MAN1A1: variants seen among roughly 807,000 people sequenced by gnomAD.
MAN1A1 encodes the protein mannosyl-oligosaccharide 1,2-alpha-mannosidase IA.
A neutral mutation model predicts 70.8 loss-of-function variants in MAN1A1; 29 were observed. The observed-to-expected ratio is 0.41, with a 90% CI of 0.31 to 0.56. MAN1A1 has a LOEUF of 0.56. Among genes scored for constraint, MAN1A1 ranks in the 20% least tolerant of loss-of-function variants. The pLI is 0.29. For synonymous variants in MAN1A1, 349 were observed against 330.1 expected (o/e 1.06, Z -0.62); for missense variants, 747 against 841.3 (o/e 0.89, Z 1.39).
At chr6:119,244,470 A>G (rs1229155258) in intron 6 of MAN1A1, among the ~76,000 whole-genome samples, 2 of 152,138 alleles carry the variant, frequency 1.3e-5, no homozygotes, top group Non-Finnish European at 2.9e-5. Context: ...ATTAAATCAC[A>G]ATTTCAGAAT....
chr6:119,349,931 G>A (rs970459771), upstream of MAN1A1, among the ~76,000 whole-genome samples: 1 of 152,074 alleles, frequency 6.6e-6, no homozygotes, highest in African/African-American at 2.4e-5. Flanking sequence ...GCCTCGGCGG[G>A]GCCCGGCCGG....
chr6:119,249,884 T>C (rs1775271469), intron 5 of MAN1A1, among the ~76,000 whole-genome samples: 1 of 152,182 alleles, frequency 6.6e-6, no homozygotes, highest in Admixed American at 6.5e-5. Flanking sequence ...CATTTAGTAG[T>C]GGAAGTCAAT....
chr6:119,280,062 C>CT (rs1309600477), intron 5 of MAN1A1, among the ~76,000 whole-genome samples: 1 of 152,244 alleles, frequency 6.6e-6, no homozygotes, highest in East Asian at 1.9e-4. Context: ...CAGACCACGA[C>CT]TTCTGAGTCT....
intron 11 of MAN1A1, among the ~76,000 whole-genome samples, chr6:119,180,945 T>C (rs1215411504): frequency 6.6e-6 from 1 of 152,246 alleles, no homozygotes; most frequent in Admixed American, 6.5e-5. Flanking sequence ...ACCACATATC[T>C]TACCTAATTT....
intron 5 of MAN1A1, among the ~76,000 whole-genome samples, chr6:119,286,215 G>A (rs1224936258): frequency 6.6e-6 from 1 of 152,004 alleles, no homozygotes; most frequent in African/African-American, 2.4e-5. Context: ...AGTTTGAAAG[G>A]TAACCAGTCA....
intron 6 of MAN1A1, among the ~76,000 whole-genome samples, chr6:119,228,644 A>C (rs1000856708): frequency 3.9e-5 from 6 of 152,118 alleles, no homozygotes; most frequent in Non-Finnish European, 7.3e-5. Context: ...AGCCACAATG[A>C]TATGAAATTC....
intron 11 of MAN1A1, among the ~76,000 whole-genome samples, chr6:119,187,691 C>T (rs1773328025): frequency 6.6e-6 from 1 of 152,124 alleles, no homozygotes; most frequent in South Asian, 2.1e-4. Context: ...TGTTCTTATC[C>T]CCTGAATTCC....
chr6:119,318,273 C>G (rs558005386), intron 2 of MAN1A1, among the ~76,000 whole-genome samples: 2 of 152,296 alleles, frequency 1.3e-5, no homozygotes, highest in South Asian at 4.1e-4. Context: ...CTCCGCTCAT[C>G]CCTTACAACA....
chr6:119,348,505 G>A lies in MAN1A1; in HGVS notation c.561C>T (p.Pro187=). 1 of 1,610,082 alleles carries A rather than the reference G, an allele frequency of 6.2e-7. No individual in the cohort carries two copies. Among genetic ancestry groups the A allele is most frequent in the Non-Finnish European group, 8.5e-7 (1 of 1,178,024 alleles). ...TTTTCTCGCGGATGGCGGCGTCGGC[G>A]GGCTCCCGGCTCTCCACCCCGATTG... ...VPPIGVESRE[P]ADAAIREKRA... is the part of the protein sequence containing the mutation. The change falls in exon 2 of 13, where the codon CCC becomes CCT. Residue 187 remains proline (P), a synonymous_variant. Transcript: ENST00000368468.
At chr6:119,225,792 AAAC>A (rs756836662) in intron 6 of MAN1A1, among the ~76,000 whole-genome samples, 38 of 152,352 alleles carry the variant, frequency 2.5e-4, no homozygotes, top group Middle Eastern at 6.8e-3. Context: ...TGTATTTTTT[AAAC>A]AACAATATAT....
At chr6:119,180,056 T>C (rs955489547) in intron 12 of MAN1A1, 111 bp from the exon 13 acceptor site, 25 of 1,168,500 alleles carry the variant, frequency 2.1e-5, no homozygotes, top group Non-Finnish European at 2.9e-5. Flanking sequence ...CCAAGAAACA[T>C]GGACAAGAGT....
At chr6:119,298,999 C>T (rs1184489372) in intron 4 of MAN1A1, among the ~76,000 whole-genome samples, 1 of 151,860 alleles carries the variant, frequency 6.6e-6, no homozygotes, top group Non-Finnish European at 1.5e-5. Flanking sequence ...AATGATACTA[C>T]ATGTTATTTA....
intron 12 of MAN1A1, among the ~76,000 whole-genome samples, 175 bp downstream of exon 12, chr6:119,180,137 T>C (rs974609608): frequency 1.3e-5 from 2 of 152,200 alleles, no homozygotes; most frequent in Non-Finnish European, 2.9e-5. Flanking sequence ...TGCTTTGGTG[T>C]TAGCAGTACC....
chr6:119,198,358 C>G (rs1773630072), intron 8 of MAN1A1, among the ~76,000 whole-genome samples: 1 of 152,112 alleles, frequency 6.6e-6, no homozygotes, highest in African/African-American at 2.4e-5. Flanking sequence ...CCACTGCACT[C>G]CAGCCTGGGT....
At chr6:119,269,317 C>T in intron 5 of MAN1A1, 1 of 265,846 alleles carries the variant, frequency 3.8e-6, no homozygotes, top group South Asian at 3.3e-5. Context: ...GAACCAGGCA[C>T]CCCAGATAGG....
intron 6 of MAN1A1, among the ~76,000 whole-genome samples, chr6:119,209,448 T>C (rs1298804721): frequency 6.6e-6 from 1 of 152,218 alleles, no homozygotes; most frequent in African/African-American, 2.4e-5. Flanking sequence ...TATACAGTTA[T>C]CAATTTTTGG....
chr6:119,297,842 G>A (rs1433884092), intron 4 of MAN1A1, among the ~76,000 whole-genome samples: 1 of 148,948 alleles, frequency 6.7e-6, no homozygotes, highest in African/African-American at 2.5e-5. Flanking sequence ...GGTGGGGAGG[G>A]TTTTACTCTG....
At chr6:119,334,106 C>T (rs545267024) in intron 2 of MAN1A1, among the ~76,000 whole-genome samples, 1 of 152,152 alleles carries the variant, frequency 6.6e-6, no homozygotes, top group African/African-American at 2.4e-5. Context: ...TATAAAATTA[C>T]AATGGTTTAT....
intron 2 of MAN1A1, among the ~76,000 whole-genome samples, chr6:119,337,088 AC>A (rs112624566): frequency 6.6e-6 from 1 of 151,884 alleles, no homozygotes. Flanking sequence ...TGGTCAAAAG[AC>A]TTTTTTTTGT....
Sources: gnomAD v4.1 joint callset for allele counts (sites outside exome capture counted in the v4.1 genomes callset) on GRCh38, gnomAD v4.1.1 for gene constraint, MANE v1.5 for transcripts, NCBI Gene and HGNC (gene_info 2026-07-23, HGNC 2026-07-21) for gene names.